HNRNPC: variants seen among roughly 807,000 people sequenced by gnomAD.
The protein encoded by HNRNPC is heterogeneous nuclear ribonucleoproteins C1/C2.
A neutral mutation model predicts 33.2 loss-of-function variants in HNRNPC; 3 were observed. That is an observed-to-expected ratio of 0.09 (90% CI 0.04 to 0.23). HNRNPC has a LOEUF of 0.23. HNRNPC is among the 10% of genes least tolerant of loss of function. HNRNPC has a pLI of 1.00. For missense variants in HNRNPC, 143 were observed against 366.7 expected (o/e 0.39, Z 4.98); for synonymous variants, 121 against 126.7 (o/e 0.96, Z 0.30).
At chr14:21,250,201 C>T (rs1305791259) in intron 2 of HNRNPC, among the ~76,000 whole-genome samples, 1 of 151,604 alleles carries the variant, frequency 6.6e-6, no homozygotes, top group South Asian at 2.1e-4. Flanking sequence ...TGCAGTGAGC[C>T]GAGATCGCAC....
chr14:21,235,090 A>T (rs1894542302), intron 2 of HNRNPC, among the ~76,000 whole-genome samples: 1 of 152,176 alleles, frequency 6.6e-6, no homozygotes, highest in South Asian at 2.1e-4. Context: ...GTCTTTATGT[A>T]TGTGATGGAG....
intron 2 of HNRNPC, among the ~76,000 whole-genome samples, chr14:21,259,149 C>G (rs961755460): frequency 6.6e-6 from 1 of 152,146 alleles, no homozygotes; most frequent in Non-Finnish European, 1.5e-5. Flanking sequence ...TTATTTCTTA[C>G]TTGGAGGCCA....
chr14:21,242,469 G>A (rs1895469674), intron 2 of HNRNPC, among the ~76,000 whole-genome samples: 1 of 152,152 alleles, frequency 6.6e-6, no homozygotes, highest in South Asian at 2.1e-4. Flanking sequence ...GGTCGTCAGT[G>A]CAAGACTCCG....
chr14:21,233,814 A>T, intron 3 of HNRNPC, 139 bp downstream of exon 3: 1 of 1,045,462 alleles, frequency 9.6e-7, no homozygotes, highest in Non-Finnish European at 1.4e-6. Context: ...CTATAAGCCT[A>T]ATGTATTTTT....
At chr14:21,256,274 T>G (rs546287190) in intron 2 of HNRNPC, among the ~76,000 whole-genome samples, 3 of 152,184 alleles carry the variant, frequency 2.0e-5, no homozygotes, top group East Asian at 3.9e-4. Context: ...GGTGCAACCC[T>G]GTCTCTACTA....
intron 6 of HNRNPC, 135 bp downstream of exon 6, chr14:21,212,825 G>A: frequency 8.8e-7 from 1 of 1,136,246 alleles, no homozygotes; most frequent in Non-Finnish European, 1.3e-6. Context: ...TTACAGGCAT[G>A]AGCCACCACA....
At chr14:21,250,144 T>C (rs1480767960) in intron 2 of HNRNPC, among the ~76,000 whole-genome samples, 1 of 151,876 alleles carries the variant, frequency 6.6e-6, no homozygotes, top group Non-Finnish European at 1.5e-5. Context: ...TCCAGGCTAC[T>C]CGGGAGGCCA....
chr14:21,269,199 GGTTA>G (rs1879537238), intron 1 of HNRNPC, 95 bp downstream of exon 1: 2 of 152,174 alleles, frequency 1.3e-5, no homozygotes, highest in South Asian at 2.1e-4. Context: ...ATGAGGGCCC[GGTTA>G]GTTAGGGGGA....
chr14:21,213,351 A>G (rs2139457654), intron 5 of HNRNPC: 1 of 475,888 alleles, frequency 2.1e-6, no homozygotes, highest in South Asian at 2.7e-5. Context: ...TCCTCAGGAA[A>G]ATAAAACATA....
At chr14:21,222,911 A>G (rs1180597027) in intron 5 of HNRNPC, among the ~76,000 whole-genome samples, 1 of 149,102 alleles carries the variant, frequency 6.7e-6, no homozygotes, top group Admixed American at 6.7e-5. Context: ...AACCAAAACA[A>G]AAACACCAGC....
intron 2 of HNRNPC, among the ~76,000 whole-genome samples, chr14:21,258,767 T>G (rs541822835): frequency 6.6e-6 from 1 of 152,328 alleles, no homozygotes; most frequent in African/African-American, 2.4e-5. Flanking sequence ...GCCTCATCAG[T>G]TCTCAACCTA....
chr14:21,245,466 C>A (rs1203074767), intron 2 of HNRNPC, among the ~76,000 whole-genome samples: 1 of 152,056 alleles, frequency 6.6e-6, no homozygotes, highest in Non-Finnish European at 1.5e-5. Context: ...CACTGCACTC[C>A]AGCCTGGCAA....
rs568566942 is a variant in HNRNPC at position 21,241,085 on chromosome 14, G to A, written c.-36-6856C>T. Among the ~76,000 whole-genome samples, 191 of 151,926 alleles carry A rather than the reference G, an allele frequency of 1.3e-3. 1 individual carries two copies. The highest frequency in any genetic ancestry group is 2.2e-3 in the Non-Finnish European group (152 of 67,936). On this transcript the variant is annotated intron_variant, in intron 2 of 8. Transcript: ENST00000553300. ...CGAGTTCAAAACCAGCCTGGCCAAC[G>A]TGGTGAAACCCTGTCTCTACTAAAG...
Position 21,234,203 on chromosome 14 carries a change from T to G in HNRNPC, c.-10A>C, listed in dbSNP as rs769217741. On this transcript the variant is annotated 5_prime_UTR_variant, in exon 3 of 9. Transcript: ENST00000553300. ...TAACGTTGCTGGCCATCGTGTTTGATGGTAAGGTTTCTCACAAAGCCGAAA... is the reference window on the plus strand; with the variant it reads ...TAACGTTGCTGGCCATCGTGTTTGAGGGTAAGGTTTCTCACAAAGCCGAAA... 2 of 1,612,186 alleles carry G rather than the reference T, an allele frequency of 1.2e-6. No individual in the cohort carries two copies. Among genetic ancestry groups the G allele is most frequent in the African/African-American group, 2.7e-5 (2 of 74,774 alleles).
In HNRNPC at chr14:21,259,035, T is replaced by C. The variant is rs76365414; in HGVS notation, c.-37+4276A>G. On this transcript the variant is annotated intron_variant, in intron 2 of 8. Transcript: ENST00000553300. ...TTCTACTTGTGCCCAAGACAGGATC[T>C]TAAACAAGACCCTCTAAGGTCCCGT... Among the ~76,000 whole-genome samples the C allele has an allele frequency of 4.3e-3, 662 of 152,322 alleles. 5 individuals are homozygous for C. Among genetic ancestry groups the C allele is most frequent in the African/African-American group, 0.015 (640 of 41,576 alleles).
chr14:21,248,300 C>T (rs1311151829), intron 2 of HNRNPC, among the ~76,000 whole-genome samples: 3 of 152,196 alleles, frequency 2.0e-5, no homozygotes, highest in Non-Finnish European at 4.4e-5. Context: ...CCATCTCAGC[C>T]TCCAAAATTT....
intron 5 of HNRNPC, among the ~76,000 whole-genome samples, chr14:21,213,625 T>A (rs1891854636): frequency 6.6e-6 from 1 of 152,166 alleles, no homozygotes; most frequent in African/African-American, 2.4e-5. Context: ...TTACAACTAG[T>A]GATATAAGGT....
intron 5 of HNRNPC, among the ~76,000 whole-genome samples, chr14:21,223,580 C>G (rs572497876): frequency 6.6e-6 from 1 of 152,088 alleles, no homozygotes; most frequent in African/African-American, 2.4e-5. Flanking sequence ...AAAACCTAAT[C>G]TCTACTAAAA....
chr14:21,253,046 T>C (rs1896838121), intron 2 of HNRNPC, among the ~76,000 whole-genome samples: 3 of 150,456 alleles, frequency 2.0e-5, no homozygotes, highest in Admixed American at 1.3e-4. Context: ...TGGTGGAGCG[T>C]AACTGTAATC....
Sources: allele counts gnomAD v4.1 joint callset (sites outside exome capture counted in the v4.1 genomes callset), GRCh38; gene constraint gnomAD v4.1.1; transcripts MANE v1.5; gene names NCBI Gene and HGNC (gene_info 2026-07-23, HGNC 2026-07-21).